VPS13C: variants seen among roughly 807,000 people sequenced by gnomAD.
VPS13C encodes the protein vacuolar protein sorting 13 homolog C.
Under a neutral mutation model 456.8 loss-of-function variants are expected in VPS13C, and 358 were observed. The ratio of observed to expected loss-of-function variants is 0.78; its 90% confidence interval spans 0.72 to 0.86. The LOEUF is 0.86. VPS13C is among the 40% of genes least tolerant of loss of function. The pLI is 0.00. For synonymous variants in VPS13C, 1,578 were observed against 1,486.7 expected (o/e 1.06, Z -1.41); for missense variants, 4,818 against 4,385.4 (o/e 1.10, Z -2.79).
chr15:61,923,350 T>C (rs1247766839), intron 53 of VPS13C, among the ~76,000 whole-genome samples: 3 of 152,198 alleles, frequency 2.0e-5, no homozygotes, highest in African/African-American at 7.2e-5. Flanking sequence ...CTTTGCTCAC[T>C]TCCCTCACTT....
chr15:61,982,837 G>T (rs1222952640), intron 20 of VPS13C, among the ~76,000 whole-genome samples: 1 of 152,166 alleles, frequency 6.6e-6, no homozygotes, highest in African/African-American at 2.4e-5. Context: ...TGTAGCAGCA[G>T]ACATTACTTC....
At chr15:61,864,725 C>G (rs1327416066) in intron 81 of VPS13C, 2 of 985,328 alleles carry the variant, frequency 2.0e-6, no homozygotes, top group East Asian at 2.3e-4. Context: ...CAGAATGAGT[C>G]TCAGAGAGGA....
intron 9 of VPS13C, among the ~76,000 whole-genome samples, chr15:62,018,567 C>T (rs1436912121): frequency 1.3e-5 from 2 of 151,824 alleles, no homozygotes; most frequent in Admixed American, 6.6e-5. Context: ...GTCTTTGGTT[C>T]TGTTTATATG....
chr15:61,946,506 G>C (rs2044609304), intron 43 of VPS13C, 96 bp from the exon 44 acceptor site: 3 of 803,140 alleles, frequency 3.7e-6, no homozygotes, highest in Non-Finnish European at 5.5e-6. Flanking sequence ...GATATAAAGT[G>C]AATAAAAATT....
rs891607384 is a variant in VPS13C at position 61,967,564 on chromosome 15, T to C, written c.2912-117A>G. ...AGCTTTAAAAGAAAATCTTTGCATA[T>C]TGTCATAGCTATTAAATACAAAGGC... On this transcript the variant is annotated intron_variant, in intron 28 of 84. Coordinates refer to ENST00000644861, the MANE Select transcript of VPS13C (RefSeq NM_020821.3). 1.8e-5 allele frequency: 14 copies of C among 776,328 alleles called. No homozygotes were observed. The African/African-American group carries it at 2.4e-4, about 13-fold the overall frequency. The allele number at this position is 776,328 out of a possible 1,614,324, so 48.1% of individuals were successfully genotyped here.
intron 1 of VPS13C, among the ~76,000 whole-genome samples, chr15:62,058,194 T>A (rs1596549215): frequency 6.6e-6 from 1 of 152,212 alleles, no homozygotes; most frequent in Non-Finnish European, 1.5e-5. Flanking sequence ...CCTATTCAGA[T>A]TTCAGATTTG....
At chr15:62,018,779 T>G (rs2047351475) in intron 9 of VPS13C, among the ~76,000 whole-genome samples, 1 of 152,176 alleles carries the variant, frequency 6.6e-6, no homozygotes, top group African/African-American at 2.4e-5. Flanking sequence ...CAGGCTTTGG[T>G]ATCAGGATGC....
intron 9 of VPS13C, among the ~76,000 whole-genome samples, chr15:62,017,664 T>C (rs1296911256): frequency 6.6e-6 from 1 of 152,224 alleles, no homozygotes; most frequent in Non-Finnish European, 1.5e-5. Flanking sequence ...TTGGTACCAG[T>C]ACCATGCTGT....
In VPS13C at chr15:61,909,135, A is replaced by G. The variant is rs1596319270; in HGVS notation, c.8845-10T>C. Reference sequence around the variant, plus strand: ...CCAAGATACCCCCATTCTATTGTAGAAAAAAAAAAAGTATGTTTGATGTAC... The same window carrying G: ...CCAAGATACCCCCATTCTATTGTAGGAAAAAAAAAAGTATGTTTGATGTAC... On this transcript the variant is annotated splice_polypyrimidine_tract_variant and intron_variant, in intron 64 of 84. Transcript: ENST00000644861. The G allele has an allele frequency of 1.5e-5, 6 of 392,568 alleles. No homozygotes were observed. The highest frequency in any genetic ancestry group is 4.3e-4 in the Middle Eastern group (1 of 2,314). 24.3% of individuals were successfully genotyped at this position (392,568 alleles called of 1,614,324 possible). A position where few individuals can be genotyped will look rare whatever the true frequency, so the allele number is the denominator to read the frequency against.
chr15:61,940,882 A>C, intron 46 of VPS13C, 88 bp from the exon 47 acceptor site: 2 of 1,330,754 alleles, frequency 1.5e-6, no homozygotes. Context: ...TCCACACAGC[A>C]TTTCATAAAG....
In VPS13C at chr15:61,867,050, T is replaced by A; in HGVS notation, c.10863+1609A>T. 2.2e-6 allele frequency: 2 copies of A among 910,878 alleles called. No individual in the cohort carries two copies. The highest frequency in any genetic ancestry group is 2.6e-6 in the Non-Finnish European group (2 of 761,746). The allele number at this position is 910,878 out of a possible 1,614,324, so 56.4% of individuals were successfully genotyped here. ...GGATACTAATTTCAAAAATAATGAT[T>A]ATAATTATTTTTTCTCTAAGATAAT... is the stretch of plus-strand genomic sequence containing the variant. On this transcript the variant is annotated intron_variant, in intron 81 of 84. Transcript: ENST00000644861. The surrounding 1 kb of genome is among the most constrained non-coding windows in gnomAD (Gnocchi z 5.0).
At position 61,940,726 on chromosome 15, in the gene VPS13C, G is replaced by A. The variant is rs77555508; in HGVS notation, c.5522C>T (p.Ser1841Phe). The change falls in exon 47 of 85, where the codon TCC (serine) becomes TTC (phenylalanine). Residue 1841 changes from serine to phenylalanine, a missense_variant. By Grantham distance (155) the Ser-to-Phe change is radical. Transcript: ENST00000644861. ...EILKPVNMLL[S>F]IQRNLAAAWY... ...TGCTGCTGCTAAGTTTCGCTGTATG[G>A]ACAAAAGCATGTTGACTGGTTTTAA... 583 of 1,613,706 alleles carry A rather than the reference G, an allele frequency of 3.6e-4. 4 individuals are homozygous for A. The East Asian group carries it at 0.01, about 28-fold the overall frequency.
chr15:61,922,641 A>G lies in VPS13C; in HGVS notation c.6731T>C (p.Ile2244Thr), dbSNP rs758161075. 1.2e-6 allele frequency: 2 copies of G among 1,614,054 alleles called. No homozygotes were observed. The highest frequency in any genetic ancestry group is 3.3e-5 in the Admixed American group (2 of 60,024). Reference protein sequence around the residue: ...EMENLWGIKSINDYNTWFLGV... With the variant: ...EMENLWGIKSTNDYNTWFLGV... ...AAGAAACCAAGTGTTATAATCATTA[A>G]TCGATTTGATACCCCAAAGATTTTC... Residue 2244 changes from isoleucine (I) to threonine (T), a missense_variant, in exon 54 of 85, where the codon ATT becomes ACT. By Grantham distance (89) the Ile-to-Thr change is moderately conservative. Around this residue, in one of 3 missense-constraint regions of VPS13C, gnomAD observed 4,552 missense variants for 4,130.6 expected, o/e 1.10. Coordinates refer to ENST00000644861, the MANE Select transcript of VPS13C (RefSeq NM_020821.3).
intron 66 of VPS13C, among the ~76,000 whole-genome samples, chr15:61,892,616 C>A (rs1228599268): frequency 6.6e-6 from 1 of 152,184 alleles, no homozygotes; most frequent in Non-Finnish European, 1.5e-5. Context: ...CAACAGCAAG[C>A]AGGGAACCAT....
intron 1 of VPS13C, among the ~76,000 whole-genome samples, chr15:62,052,914 A>G (rs1360790769): frequency 6.6e-6 from 1 of 152,152 alleles, no homozygotes; most frequent in Non-Finnish European, 1.5e-5. Flanking sequence ...TCACCACTGA[A>G]CTTTCTCCCT....
At chr15:61,864,005 G>GT (rs368355598) in intron 81 of VPS13C, 7 of 151,216 alleles carry the variant, frequency 4.6e-5, no homozygotes, top group Non-Finnish European at 1.0e-4. Flanking sequence ...TTTTTTGTCA[G>GT]TTTTTTTTTA....
chr15:62,023,544 A>C (rs2140583221), intron 7 of VPS13C, 24 bp from the exon 8 acceptor site: 3 of 1,509,854 alleles, frequency 2.0e-6, no homozygotes, highest in Non-Finnish European at 2.7e-6. Context: ...GAAAAATACA[A>C]GCTCAAGAGT....
intron 16 of VPS13C, among the ~76,000 whole-genome samples, chr15:61,993,770 AGAAT>A (rs2140429399): frequency 6.6e-6 from 1 of 150,986 alleles, no homozygotes; most frequent in African/African-American, 2.5e-5. Context: ...AAAATAAATA[AGAAT>A]TAATATTTAA....
At chr15:61,963,720 T>C in intron 32 of VPS13C, 115 bp downstream of exon 32, 2 of 735,290 alleles carry the variant, frequency 2.7e-6, no homozygotes, top group South Asian at 3.6e-5. Context: ...AATTACGTCT[T>C]TTCAGGTTTC....
Sources: allele counts gnomAD v4.1 joint callset (sites outside exome capture counted in the v4.1 genomes callset), GRCh38; gene constraint gnomAD v4.1.1; regional missense constraint gnomAD v4.1.1; non-coding constraint Gnocchi (gnomAD v3.1); transcripts MANE v1.5; gene names NCBI Gene and HGNC (gene_info 2026-07-23, HGNC 2026-07-21).